The following EGR3 variants were observed in gnomAD, a reference collection of about 807,000 sequenced individuals.
The protein encoded by EGR3 is early growth response 3.
A neutral mutation model predicts 22.4 loss-of-function variants in EGR3; 4 were observed. The observed-to-expected ratio is 0.18, with a 90% CI of 0.09 to 0.41. EGR3 has a LOEUF of 0.41. Among genes scored for constraint, EGR3 ranks in the 10% least tolerant of loss-of-function variants. EGR3 has a pLI of 1.00. For missense variants in EGR3, 315 were observed against 541.3 expected, an observed-to-expected ratio of 0.58 and a Z score of 4.15; for synonymous variants, 219 against 226.8, an observed-to-expected ratio of 0.97 and a Z score of 0.31.
Position 22,690,265 on chromosome 8 carries a change from G to A in EGR3, c.*208C>T. The A allele has an allele frequency of 1.7e-6, 1 of 578,252 alleles. No homozygotes were observed. The highest frequency in any genetic ancestry group is 2.9e-5 in the East Asian group (1 of 34,614). 35.8% of individuals were successfully genotyped at this position (578,252 alleles called of 1,614,324 possible). A position where few individuals can be genotyped will look rare whatever the true frequency, so the allele number is the denominator to read the frequency against. On this transcript the variant is annotated 3_prime_UTR_variant, in exon 2 of 2. Coordinates refer to ENST00000317216, the MANE Select transcript of EGR3 (RefSeq NM_004430.3). Reference sequence around the variant, plus strand: ...GCCTTGGCTAAGTGGGGGACCGCGAGGGGAAGGCGCCTCCAGCCCTGGCCC... The same window carrying A: ...GCCTTGGCTAAGTGGGGGACCGCGAAGGGAAGGCGCCTCCAGCCCTGGCCC...
intron 1 of EGR3, chr8:22,691,742 C>CCACA: frequency 1.0e-6 from 1 of 985,354 alleles, no homozygotes; most frequent in Non-Finnish European, 1.2e-6. Context: ...CACTCACGTA[C>CCACA]CACACACACA....
Position 22,690,180 on chromosome 8 carries a change from C to T in EGR3, c.*293G>A, listed in dbSNP as rs1223618964. ...AGGTCCTTGGCGCGGCCCGGCGGCCCCTGGATCAAGGCGATCCGAACTGAA... is the reference window on the plus strand; with the variant it reads ...AGGTCCTTGGCGCGGCCCGGCGGCCTCTGGATCAAGGCGATCCGAACTGAA... On this transcript the variant is annotated 3_prime_UTR_variant, in exon 2 of 2. Coordinates refer to ENST00000317216, the MANE Select transcript of EGR3 (RefSeq NM_004430.3). 2.3e-6 allele frequency: 1 copy of T among 441,702 alleles called. No individual in the cohort carries two copies. The highest frequency in any genetic ancestry group is 4.0e-6 in the Non-Finnish European group (1 of 248,718). The allele number at this position is 441,702 out of a possible 1,614,324, so 27.4% of individuals were successfully genotyped here. A position where few individuals can be genotyped will look rare whatever the true frequency, so the allele number is the denominator to read the frequency against.
intron 1 of EGR3, 113 bp from the exon 2 acceptor site, chr8:22,691,595 C>T: frequency 6.7e-7 from 1 of 1,485,912 alleles, no homozygotes; most frequent in Non-Finnish European, 9.0e-7. Flanking sequence ...GAGTGCGTAG[C>T]GCATGGGGTA....
chr8:22,691,564 T>G, intron 1 of EGR3, 82 bp from the exon 2 acceptor site: 1 of 1,537,488 alleles, frequency 6.5e-7, no homozygotes, highest in Non-Finnish European at 8.8e-7. Context: ...CTTGCCCAGG[T>G]GCGGAGGGTG....
In EGR3 at chr8:22,691,263, G is replaced by A; in HGVS notation, c.374C>T (p.Ser125Phe). 1.2e-6 allele frequency: 2 copies of A among 1,614,004 alleles called. No individual in the cohort carries two copies. The highest frequency in any genetic ancestry group is 1.7e-6 in the Non-Finnish European group (2 of 1,180,006). ...PASGALSTQT[S>F]TASMVQPPQG... ...CGGTGGCTGCACCATGCTGGCCGTG[G>A]ACGTCTGCGTGCTGAGCGCCCCTGA... Residue 125 changes from serine (S) to phenylalanine (F), a missense_variant, in exon 2 of 2, where the codon TCC becomes TTC. Ser to Phe is a radical substitution (Grantham distance 155). Around this residue, in one of 4 missense-constraint regions of EGR3, gnomAD observed 227 missense variants for 303.6 expected, o/e 0.75. Transcript: ENST00000317216.
At position 22,691,108 on chromosome 8, in the gene EGR3, G is replaced by C; in HGVS notation, c.529C>G (p.Gln177Glu). 1 of 1,614,014 alleles carries C rather than the reference G, an allele frequency of 6.2e-7. No individual in the cohort carries two copies. Among genetic ancestry groups the C allele is most frequent in the Non-Finnish European group, 8.5e-7 (1 of 1,179,926 alleles). ...PGLAYSPQDY[Q>E]SAKPALDSNL... The stretch of plus-strand genomic sequence containing the variant: ...CTGTCCAACGCCGGCTTGGCCGATT[G>C]GTAATCCTGGGGGGAATAGGCGAGC... Residue 177 changes from glutamine (Q) to glutamate (E), a missense_variant, in exon 2 of 2, where the codon CAA (glutamine) becomes GAA (glutamate). Gln to Glu is a conservative substitution (Grantham distance 29). This residue lies in a region of EGR3 where 227 missense variants were observed against 303.6 expected (regional missense o/e 0.75). Transcript: ENST00000317216.
At position 22,690,749 on chromosome 8, in the gene EGR3, C is replaced by T. The variant is rs768630055; in HGVS notation, c.888G>A (p.Leu296=). The T allele has an allele frequency of 1.9e-6, 3 of 1,613,850 alleles. No homozygotes were observed. In the South Asian group the frequency reaches 3.3e-5, roughly 18 times the overall value. The change falls in exon 2 of 2, where the codon CTG becomes CTA. Residue 296 remains leucine (L), a synonymous_variant. Coordinates refer to ENST00000317216, the MANE Select transcript of EGR3 (RefSeq NM_004430.3). ...AGGGCTTGTGGCCCGTGTGGATGCG[C>T]AGGTGCCGGGTCAGCTCGTCCGAAC... The part of the protein sequence containing the change: ...FSRSDELTRH[L]RIHTGHKPFQ...
At position 22,692,469 on chromosome 8, in the gene EGR3, A is replaced by C; in HGVS notation, c.154+322T>G. On this transcript the variant is annotated intron_variant, in intron 1 of 1. Coordinates refer to ENST00000317216, the MANE Select transcript of EGR3 (RefSeq NM_004430.3). This position sits in a 1 kb window ranked among gnomAD's most constrained non-coding sequence, Gnocchi z 6.2. ...CGGCGATCGGGCCCCCTGCGTGGTG[A>C]GGGAGAACCCCAGAGCCGCTCGCAC... 1 of 1,423,472 alleles carries C rather than the reference A, an allele frequency of 7.0e-7. No homozygotes were observed. The highest frequency in any genetic ancestry group is 9.1e-7 in the Non-Finnish European group (1 of 1,093,496). 88.2% of individuals were successfully genotyped at this position (1,423,472 alleles called of 1,614,324 possible). A position where few individuals can be genotyped will look rare whatever the true frequency, so the allele number is the denominator to read the frequency against.
chr8:22,692,189 G>A lies in EGR3; in HGVS notation c.154+602C>T. 7.2e-7 allele frequency: 1 copy of A among 1,394,386 alleles called. No individual in the cohort carries two copies. Among genetic ancestry groups the A allele is most frequent in the Non-Finnish European group, 9.3e-7 (1 of 1,079,194 alleles). 86.4% of individuals were successfully genotyped at this position (1,394,386 alleles called of 1,614,324 possible). On this transcript the variant is annotated intron_variant, in intron 1 of 1. Transcript: ENST00000317216. This position sits in a 1 kb window ranked among gnomAD's most constrained non-coding sequence, Gnocchi z 6.2. ...GCCCTTCCCCAGCTCCCCGGCCCCG[G>A]GATCGTTCCCCGTGGCAGGCCCTCG... is the stretch of plus-strand genomic sequence containing the variant.
At position 22,692,136 on chromosome 8, in the gene EGR3, G is replaced by C; in HGVS notation, c.155-654C>G. 1 of 1,363,658 alleles carries C rather than the reference G, an allele frequency of 7.3e-7. No homozygotes were observed. The highest frequency in any genetic ancestry group is 9.4e-7 in the Non-Finnish European group (1 of 1,062,494). The allele number at this position is 1,363,658 out of a possible 1,614,324, so 84.5% of individuals were successfully genotyped here. A position where few individuals can be genotyped will look rare whatever the true frequency, so the allele number is the denominator to read the frequency against. On this transcript the variant is annotated intron_variant, in intron 1 of 1. Transcript: ENST00000317216. The surrounding 1 kb of genome is among the most constrained non-coding windows in gnomAD (Gnocchi z 6.2). ...GGAGGGTGGAGAGCGGCGGAAAACC[G>C]GCCGGTGTCTCCATGGCGGGAGAGG...
Position 22,690,964 on chromosome 8 carries a change from T to C in EGR3, c.673A>G (p.Ile225Val). ...GCCTTGATGGTCTCCAGAGGGGTAA[T>C]AGGGGGCGGGTTGACCCGGATGGGG... ...MDPIRVNPPP[I>V]TPLETIKAFK... The change falls in exon 2 of 2, where the codon ATT becomes GTT. Residue 225 changes from isoleucine to valine, a missense_variant. Ile to Val is a conservative substitution (Grantham distance 29, BLOSUM62 3). This residue lies in a region of EGR3 where 227 missense variants were observed against 303.6 expected (regional missense o/e 0.75). Coordinates refer to ENST00000317216, the MANE Select transcript of EGR3 (RefSeq NM_004430.3). The C allele has an allele frequency of 6.4e-7, 1 of 1,567,002 alleles. No homozygotes were observed. The highest frequency in any genetic ancestry group is 8.7e-7 in the Non-Finnish European group (1 of 1,154,010).
Position 22,692,152 on chromosome 8 carries a change from G to C in EGR3, c.154+639C>G. On this transcript the variant is annotated intron_variant, in intron 1 of 1. Transcript: ENST00000317216. The surrounding 1 kb of genome is among the most constrained non-coding windows in gnomAD (Gnocchi z 6.2). The stretch of plus-strand genomic sequence containing the variant: ...CGGAAAACCGGCCGGTGTCTCCATG[G>C]CGGGAGAGGCCGCCCTTCCCCAGCT... 7.3e-7 allele frequency: 1 copy of C among 1,378,776 alleles called. No homozygotes were observed. Among genetic ancestry groups the C allele is most frequent in the Non-Finnish European group, 9.3e-7 (1 of 1,071,356 alleles). The allele number at this position is 1,378,776 out of a possible 1,614,324, so 85.4% of individuals were successfully genotyped here.
Position 22,693,229 on chromosome 8 carries a change from CG to C in EGR3, c.-286del, listed in dbSNP as rs1425657234. On this transcript the variant is annotated 5_prime_UTR_variant, in exon 1 of 2. Transcript: ENST00000317216. Reference sequence around the variant, plus strand: ...GGTCGTGGGGGGGGTGGGGCGTGTGCGGGGGGTGGGGTGGGGGCTGGGCTGG... The same window carrying C: ...GGTCGTGGGGGGGGTGGGGCGTGTGCGGGGGTGGGGTGGGGGCTGGGCTGG... The C allele has an allele frequency of 6.2e-5, 2 of 32,360 alleles. No individual in the cohort carries two copies. The highest frequency in any genetic ancestry group is 5.5e-4 in the South Asian group (1 of 1,826). The allele number at this position is 32,360 out of a possible 1,614,324, so 2.0% of individuals were successfully genotyped here. A position where few individuals can be genotyped will look rare whatever the true frequency, so the allele number is the denominator to read the frequency against.
In EGR3 at chr8:22,692,327, C is replaced by G; in HGVS notation, c.154+464G>C. ...CTCTCCCACCGCGGGGACTCCACGC[C>G]GCACATGGCTCCATCCCGGGTGGGA... On this transcript the variant is annotated intron_variant, in intron 1 of 1. Coordinates refer to ENST00000317216, the MANE Select transcript of EGR3 (RefSeq NM_004430.3). This position sits in a 1 kb window ranked among gnomAD's most constrained non-coding sequence, Gnocchi z 6.2. 6.6e-7 allele frequency: 1 copy of G among 1,515,168 alleles called. No individual in the cohort carries two copies. Among genetic ancestry groups the G allele is most frequent in the Non-Finnish European group, 8.8e-7 (1 of 1,138,278 alleles). 93.9% of individuals were successfully genotyped at this position (1,515,168 alleles called of 1,614,324 possible).
At position 22,690,054 on chromosome 8, in the gene EGR3, C is replaced by G; in HGVS notation, c.*419G>C. 5.0e-6 allele frequency: 1 copy of G among 199,528 alleles called. No individual in the cohort carries two copies. Among genetic ancestry groups the G allele is most frequent in the Non-Finnish European group, 1.0e-5 (1 of 98,582 alleles). The allele number at this position is 199,528 out of a possible 1,614,324, so 12.4% of individuals were successfully genotyped here. ...CTTTGGTGCGCTCCTTACCCCCTCC[C>G]CCTCTCGAGTCTTCGAGGGGGTATA... On this transcript the variant is annotated 3_prime_UTR_variant, in exon 2 of 2. Transcript: ENST00000317216.
rs537313070 is a variant in EGR3, at chr8:22,690,386, C to G, written c.*87G>C. 17 of 1,170,742 alleles carry G rather than the reference C, an allele frequency of 1.5e-5. No individual in the cohort carries two copies. In the Admixed American group the frequency reaches 2.0e-4, roughly 14 times the overall value. 72.5% of individuals were successfully genotyped at this position (1,170,742 alleles called of 1,614,324 possible). On this transcript the variant is annotated 3_prime_UTR_variant, in exon 2 of 2. Coordinates refer to ENST00000317216, the MANE Select transcript of EGR3 (RefSeq NM_004430.3). The stretch of plus-strand genomic sequence containing the variant: ...TGGAGAGGCCAGGGCGCGGCCCCTA[C>G]GCCTCCGTGGCTGGCTTTCCCGCTG...
Position 22,693,059 on chromosome 8 carries a change from A to C in EGR3, c.-115T>G. ...GCGATCCGTGGTGCAGGGGAAAAGC[A>C]TGCGAGAGGGAAAGTTCGGGGGGAG... On this transcript the variant is annotated 5_prime_UTR_variant, in exon 1 of 2. The change abolishes an upstream ATG in the 5' untranslated region. Transcript: ENST00000317216. 4 of 456,876 alleles carry C rather than the reference A, an allele frequency of 8.8e-6. No individual in the cohort carries two copies. The highest frequency in any genetic ancestry group is 1.4e-5 in the Non-Finnish European group (4 of 291,350). 28.3% of individuals were successfully genotyped at this position (456,876 alleles called of 1,614,324 possible).
rs754227276 is a variant in EGR3, at chr8:22,691,259, C to G, written c.378G>C (p.Thr126=). The G allele has an allele frequency of 6.2e-7, 1 of 1,613,866 alleles. No individual in the cohort carries two copies. The highest frequency in any genetic ancestry group is 1.7e-5 in the Admixed American group (1 of 60,000). Residue 126 remains threonine (T), a synonymous_variant, in exon 2 of 2, where the codon ACG becomes ACC. Transcript: ENST00000317216. ...CCTGCGGTGGCTGCACCATGCTGGC[C>G]GTGGACGTCTGCGTGCTGAGCGCCC... ...ASGALSTQTS[T]ASMVQPPQGD... is the part of the protein sequence containing the mutation.
Position 22,690,521 on chromosome 8 carries a change from G to A in EGR3, c.1116C>T (p.Ser372=), listed in dbSNP as rs1474342602. The change falls in exon 2 of 2, where the codon TCC becomes TCT. Residue 372 remains serine (S), a synonymous_variant. Coordinates refer to ENST00000317216, the MANE Select transcript of EGR3 (RefSeq NM_004430.3). ...KAEKGGAPSA[S]SAPPVSLAPV... is the part of the protein sequence containing the mutation. ...GGGCCAGCGACACGGGGGGCGCCGA[G>A]GATGCAGAGGGTGCACCGCCCTTCT... 1.4e-5 allele frequency: 23 copies of A among 1,611,488 alleles called. No homozygotes were observed. The highest frequency in any genetic ancestry group is 1.7e-5 in the Non-Finnish European group (20 of 1,178,766).
Sources: allele counts gnomAD v4.1 joint callset, GRCh38; gene constraint gnomAD v4.1.1; regional missense constraint gnomAD v4.1.1; non-coding constraint Gnocchi (gnomAD v3.1); transcripts MANE v1.5; gene names NCBI Gene and HGNC (gene_info 2026-07-23, HGNC 2026-07-21).